Variants in VSTM2L observed in about 807,000 individuals in gnomAD.
VSTM2L encodes V-set and transmembrane domain containing 2 like.
In VSTM2L, 9 loss-of-function variants were observed where a neutral mutation model predicts 19.9. The ratio of observed to expected loss-of-function variants is 0.45; its 90% CI spans 0.27 to 0.79. VSTM2L has a LOEUF of 0.79. Ranked by LOEUF, VSTM2L falls within the 30% of genes least tolerant of loss-of-function variation. VSTM2L has a pLI of 0.15. For missense variants in VSTM2L, 286 were observed against 295.5 expected (o/e 0.97, Z 0.24); for synonymous variants, 127 against 133.8 (o/e 0.95, Z 0.35).
In VSTM2L at chr20:37,944,064, C is replaced by T. The variant is rs763697791; in HGVS notation, c.426C>T (p.Cys142=). ...VKPTDEGTYE[C]RVIDFSDGKA... ...CCACGGACGAAGGCACCTACGAGTG[C>T]CGCGTCATCGACTTCAGCGACGGCA... The change falls in exon 4 of 4, where the codon TGC becomes TGT. Residue 142 remains cysteine (C), a synonymous_variant. Transcript: ENST00000373461. 3 of 1,612,562 alleles carry T rather than the reference C, an allele frequency of 1.9e-6. No homozygotes were observed. The highest frequency in any genetic ancestry group is 1.1e-5 in the South Asian group (1 of 90,920).
At chr20:37,940,670 C>G (rs2072967061) in intron 3 of VSTM2L, among the ~76,000 whole-genome samples, 1 of 152,184 alleles carries the variant, frequency 6.6e-6, no homozygotes, top group Non-Finnish European at 1.5e-5. Flanking sequence ...TGTGTATTCA[C>G]CCTGCTATAA....
At chr20:37,916,579 T>TG (rs2072819746) in intron 1 of VSTM2L, among the ~76,000 whole-genome samples, 1 of 152,256 alleles carries the variant, frequency 6.6e-6, no homozygotes, top group South Asian at 2.1e-4. Flanking sequence ...CAGCACTTCC[T>TG]GCTCAGCTAT....
At position 37,944,030 on chromosome 20, in the gene VSTM2L, G is replaced by A; in HGVS notation, c.392G>A (p.Arg131Gln). The change falls in exon 4 of 4, where the codon CGG becomes CAG. Residue 131 changes from arginine (R) to glutamine (Q), a missense_variant. Physicochemically the swap from Arg to Gln is conservative, Grantham distance 43 (BLOSUM62 1). Transcript: ENST00000373461. ...SNISHKLRLSRVKPTDEGTYE... is the reference protein window; with the variant it reads ...SNISHKLRLSQVKPTDEGTYE... ...ATCTCCCACAAGCTGCGCCTGTCCC[G>A]GGTGAAGCCCACGGACGAAGGCACC... is the stretch of plus-strand genomic sequence containing the variant. 2 of 1,607,118 alleles carry A rather than the reference G, an allele frequency of 1.2e-6. No homozygotes were observed. Among genetic ancestry groups the A allele is most frequent in the African/African-American group, 1.3e-5 (1 of 74,524 alleles).
At chr20:37,923,813 A>G (rs1385447444) in intron 1 of VSTM2L, among the ~76,000 whole-genome samples, 1 of 152,100 alleles carries the variant, frequency 6.6e-6, no homozygotes, top group East Asian at 1.9e-4. Context: ...CAGTTTCACC[A>G]TTTACTCAGT....
At chr20:37,922,344 C>T (rs1317883135) in intron 1 of VSTM2L, among the ~76,000 whole-genome samples, 1 of 152,150 alleles carries the variant, frequency 6.6e-6, no homozygotes, top group Non-Finnish European at 1.5e-5. Context: ...CAGAATTTCC[C>T]TCCTTTTTAA....
chr20:37,941,739 G>T (rs950038075), intron 3 of VSTM2L, among the ~76,000 whole-genome samples: 9 of 152,092 alleles, frequency 5.9e-5, no homozygotes, highest in Non-Finnish European at 1.3e-4. Flanking sequence ...GTCTGGGAAG[G>T]GGGTCAGTGG....
intron 3 of VSTM2L, among the ~76,000 whole-genome samples, chr20:37,940,085 C>T (rs1057178805): frequency 1.1e-4 from 16 of 152,324 alleles, no homozygotes; most frequent in Admixed American, 8.5e-4. Context: ...GCTCCCAGCA[C>T]TTTGGATTAT....
intron 1 of VSTM2L, among the ~76,000 whole-genome samples, chr20:37,909,646 G>T (rs1033192521): frequency 6.6e-6 from 1 of 152,232 alleles, no homozygotes; most frequent in African/African-American, 2.4e-5. Context: ...GCTGAGCAGA[G>T]CAAGGACATC....
chr20:37,944,885 C>T lies in VSTM2L; in HGVS notation c.*632C>T. 1 of 985,938 alleles carries T rather than the reference C, an allele frequency of 1.0e-6. No homozygotes were observed. The highest frequency in any genetic ancestry group is 1.2e-6 in the Non-Finnish European group (1 of 830,030). 61.1% of individuals were successfully genotyped at this position (985,938 alleles called of 1,614,324 possible). A position where few individuals can be genotyped will look rare whatever the true frequency, so the allele number is the denominator to read the frequency against. Reference sequence around the variant, plus strand: ...CTCCCTGTGCGACCCTCCAGGGATGCAGGGGATCCAGGATTCTCTGCCCTG... The same window carrying T: ...CTCCCTGTGCGACCCTCCAGGGATGTAGGGGATCCAGGATTCTCTGCCCTG... On this transcript the variant is annotated 3_prime_UTR_variant, in exon 4 of 4. Transcript: ENST00000373461.
At chr20:37,938,875 C>T (rs76145244) in intron 3 of VSTM2L, among the ~76,000 whole-genome samples, 6,020 of 152,168 alleles carry the variant, frequency 0.04, 367 homozygotes, top group African/African-American at 0.13. Flanking sequence ...GGCCCCCTCC[C>T]GTGGGAGAGG....
Position 37,945,205 on chromosome 20 carries a change from T to C in VSTM2L, c.*952T>C, listed in dbSNP as rs2073001888. 1 of 985,376 alleles carries C rather than the reference T, an allele frequency of 1.0e-6. No individual in the cohort carries two copies. The highest frequency in any genetic ancestry group is 1.7e-5 in the African/African-American group (1 of 57,236). The allele number at this position is 985,376 out of a possible 1,614,324, so 61.0% of individuals were successfully genotyped here. A position where few individuals can be genotyped will look rare whatever the true frequency, so the allele number is the denominator to read the frequency against. On this transcript the variant is annotated 3_prime_UTR_variant, in exon 4 of 4. Transcript: ENST00000373461. ...CTATTGGACCCAATTCTCCTCGGAATTGGCTGGCACCTCTGGCTGCCGCAG... is the reference window on the plus strand; with the variant it reads ...CTATTGGACCCAATTCTCCTCGGAACTGGCTGGCACCTCTGGCTGCCGCAG...
At chr20:37,937,974 G>A (rs963386884) in intron 3 of VSTM2L, among the ~76,000 whole-genome samples, 4 of 152,150 alleles carry the variant, frequency 2.6e-5, no homozygotes, top group African/African-American at 9.7e-5. Flanking sequence ...GGGGCAGGCC[G>A]GGATGAGACC....
intron 1 of VSTM2L, among the ~76,000 whole-genome samples, chr20:37,905,192 C>T (rs1411839709): frequency 1.3e-5 from 2 of 152,150 alleles, no homozygotes; most frequent in Admixed American, 6.5e-5. Flanking sequence ...CTCCTCTCCT[C>T]GCTCCGCTCA....
Position 37,903,597 on chromosome 20 carries a change from GC to G in VSTM2L, c.121+128del, listed in dbSNP as rs2072734418. 1.5e-5 allele frequency: 20 copies of G among 1,291,898 alleles called. No homozygotes were observed. In the South Asian group the frequency reaches 3.8e-4, roughly 24 times the overall value. 80.0% of individuals were successfully genotyped at this position (1,291,898 alleles called of 1,614,324 possible). A position where few individuals can be genotyped will look rare whatever the true frequency, so the allele number is the denominator to read the frequency against. On this transcript the variant is annotated intron_variant, in intron 1 of 3. Transcript: ENST00000373461. ...TGGCGGGCATCCCGGGGCGCCCCCT[GC>G]CGGCGCGGTGGACCCGCCCTGGCAC...
intron 1 of VSTM2L, among the ~76,000 whole-genome samples, chr20:37,908,541 G>A (rs530549690): frequency 3.9e-5 from 6 of 152,202 alleles, no homozygotes; most frequent in Non-Finnish European, 2.9e-5. Flanking sequence ...GGCTGGGCAC[G>A]GCGGCTCATG....
intron 2 of VSTM2L, among the ~76,000 whole-genome samples, chr20:37,932,819 A>C (rs2072918309): frequency 6.6e-6 from 1 of 152,246 alleles, no homozygotes; most frequent in African/African-American, 2.4e-5. Flanking sequence ...ACACGCAAAC[A>C]TAGAGATCTG....
At chr20:37,919,549 G>A (rs2072839119) in intron 1 of VSTM2L, among the ~76,000 whole-genome samples, 1 of 152,214 alleles carries the variant, frequency 6.6e-6, no homozygotes, top group African/African-American at 2.4e-5. Flanking sequence ...CGGTTGGGCT[G>A]GGACCTCATT....
At chr20:37,930,382 T>C (rs1030504588) in intron 1 of VSTM2L, among the ~76,000 whole-genome samples, 2 of 152,148 alleles carry the variant, frequency 1.3e-5, no homozygotes, top group Non-Finnish European at 2.9e-5. Context: ...TGGTGAGGAC[T>C]CCCGGGGCTG....
chr20:37,917,041 C>T (rs964390375), intron 1 of VSTM2L, among the ~76,000 whole-genome samples: 1 of 152,108 alleles, frequency 6.6e-6, no homozygotes, highest in Non-Finnish European at 1.5e-5. Context: ...TGGCCAGGTG[C>T]GGTGGCTCAC....
Sources: gnomAD v4.1 joint callset for allele counts (sites outside exome capture counted in the v4.1 genomes callset) on GRCh38, gnomAD v4.1.1 for gene constraint, MANE v1.5 for transcripts, NCBI Gene and HGNC (gene_info 2026-07-23, HGNC 2026-07-21) for gene names.